Variants in PIEZO2 observed in about 807,000 individuals in gnomAD.
The protein encoded by PIEZO2 is piezo-type mechanosensitive ion channel component 2.
A neutral mutation model predicts 337.3 loss-of-function variants in PIEZO2; 172 were observed. The ratio of observed to expected loss-of-function variants is 0.51; its 90% CI spans 0.45 to 0.58. The LOEUF is 0.58. Among genes scored for constraint, PIEZO2 ranks in the 20% least tolerant of loss-of-function variants. The pLI is 0.00. For synonymous variants in PIEZO2, 1,251 were observed against 1,228.5 expected, an observed-to-expected ratio of 1.02 and a Z score of -0.38; for missense variants, 3,028 against 3,391.3, an observed-to-expected ratio of 0.89 and a Z score of 2.66.
intron 3 of PIEZO2, among the ~76,000 whole-genome samples, chr18:10,947,715 C>T (rs935301015): frequency 2.0e-5 from 3 of 152,106 alleles, no homozygotes; most frequent in African/African-American, 7.2e-5. Flanking sequence ...ATAGTTTATA[C>T]ATTAAGTAAA....
At chr18:10,820,451 TC>T (rs2040489584) in intron 7 of PIEZO2, among the ~76,000 whole-genome samples, 1 of 152,112 alleles carries the variant, frequency 6.6e-6, no homozygotes, top group South Asian at 2.1e-4. Flanking sequence ...TTTAATTTGC[TC>T]TTAAGCTCAT....
At position 11,094,601 on chromosome 18, in the gene PIEZO2, T is replaced by C. The variant is rs986454160; in HGVS notation, c.65-28379A>G. On this transcript the variant is annotated intron_variant, in intron 1 of 55. Coordinates refer to ENST00000674853, the MANE Select transcript of PIEZO2 (RefSeq NM_001378183.1). The surrounding 1 kb of genome is among the most constrained non-coding windows in gnomAD (Gnocchi z 4.4). Reference sequence around the variant, plus strand: ...TCGCTGTCCCCTCTCTGAAGACAGATGGCAACGGCACCCTGGCCCTTCCTA... The same window carrying C: ...TCGCTGTCCCCTCTCTGAAGACAGACGGCAACGGCACCCTGGCCCTTCCTA... Among the ~76,000 whole-genome samples, 9 of 152,170 alleles carry C rather than the reference T, an allele frequency of 5.9e-5. No homozygotes were observed. Among genetic ancestry groups the C allele is most frequent in the East Asian group, 5.8e-4 (3 of 5,184 alleles).
rs72978902 is a variant in PIEZO2 at position 10,675,377 on chromosome 18, T to C, written c.8082-89A>G. 1,978 of 738,962 alleles carry C rather than the reference T, an allele frequency of 2.7e-3. 7 individuals are homozygous for C. Among genetic ancestry groups the C allele is most frequent in the Non-Finnish European group, 3.9e-3 (1,835 of 466,456 alleles). The allele number at this position is 738,962 out of a possible 1,614,324, so 45.8% of individuals were successfully genotyped here. A position where few individuals can be genotyped will look rare whatever the true frequency, so the allele number is the denominator to read the frequency against. ...TTTTGTTGTTATTGTTGACCTTGTA[T>C]CACCAAATAATAGTGAAAGTTTCAT... On this transcript the variant is annotated intron_variant, in intron 53 of 55. Coordinates refer to ENST00000674853, the MANE Select transcript of PIEZO2 (RefSeq NM_001378183.1).
chr18:10,742,902 G>A (rs1284222953), intron 31 of PIEZO2, among the ~76,000 whole-genome samples: 1 of 151,650 alleles, frequency 6.6e-6, no homozygotes, highest in Non-Finnish European at 1.5e-5. Context: ...GCTAAAGTTA[G>A]GTAAGCTATA....
chr18:11,138,922 T>G (rs938253162), intron 1 of PIEZO2, among the ~76,000 whole-genome samples: 2 of 152,214 alleles, frequency 1.3e-5, no homozygotes, highest in African/African-American at 4.8e-5. Flanking sequence ...CATTCTCAAC[T>G]TTCAACAGGT....
In PIEZO2 at chr18:10,689,821, C is replaced by T. The variant is rs1276437392; in HGVS notation, c.7350-19G>A. The stretch of plus-strand genomic sequence containing the variant: ...GCGAAACCTGGCAGGAAACACATCT[C>T]GTCAGAGAGACATTCGTGGGTGGCC... On this transcript the variant is annotated intron_variant, in intron 48 of 55. Coordinates refer to ENST00000674853, the MANE Select transcript of PIEZO2 (RefSeq NM_001378183.1). The T allele has an allele frequency of 9.4e-6, 15 of 1,589,718 alleles. No homozygotes were observed. The highest frequency in any genetic ancestry group is 1.7e-5 in the Admixed American group (1 of 58,152).
intron 39 of PIEZO2, among the ~76,000 whole-genome samples, chr18:10,714,230 G>A (rs569210051): frequency 4.6e-5 from 7 of 152,226 alleles, no homozygotes; most frequent in African/African-American, 1.2e-4. Flanking sequence ...GGCCCCTGGC[G>A]AACCCATTAG....
Position 10,688,113 on chromosome 18 carries a change from C to A in PIEZO2, c.7497+1542G>T, listed in dbSNP as rs564155619. On this transcript the variant is annotated intron_variant, in intron 49 of 55. Transcript: ENST00000674853. ...ATCAATGCATCATCTAGGTTTTAAG[C>A]CCCCCATGCGTTAGGTATTTGTCCT... Among the ~76,000 whole-genome samples the A allele has an allele frequency of 6.6e-5, 10 of 152,092 alleles. No individual in the cohort carries two copies. The South Asian group carries it at 2.1e-3, about 32-fold the overall frequency.
chr18:11,008,909 T>C (rs542035737), intron 2 of PIEZO2, among the ~76,000 whole-genome samples: 4 of 152,326 alleles, frequency 2.6e-5, no homozygotes, highest in Admixed American at 1.3e-4. Flanking sequence ...TATAAATATT[T>C]TGGAGTCCTC....
In PIEZO2 at chr18:10,773,040, C is replaced by A. The variant is rs1023994182; in HGVS notation, c.2785+372G>T. The stretch of plus-strand genomic sequence containing the variant: ...GTCTCAGAATGGTTTCTTGAGAATG[C>A]ATTTGTAAGGGCGATGTCTAGAGCC... On this transcript the variant is annotated intron_variant, in intron 20 of 55. Coordinates refer to ENST00000674853, the MANE Select transcript of PIEZO2 (RefSeq NM_001378183.1). This position sits in a 1 kb window ranked among gnomAD's most constrained non-coding sequence, Gnocchi z 5.3. 2.6e-5 allele frequency among the ~76,000 whole-genome samples: 4 copies of A among 152,162 alleles called. No homozygotes were observed. The highest frequency in any genetic ancestry group is 9.7e-5 in the African/African-American group (4 of 41,422).
intron 1 of PIEZO2, among the ~76,000 whole-genome samples, chr18:11,135,051 A>T (rs1030877014): frequency 6.6e-6 from 1 of 152,086 alleles, no homozygotes; most frequent in African/African-American, 2.4e-5. Context: ...AAAAAAAAAA[A>T]AATTTTTTTT....
chr18:10,699,071 G>C lies in PIEZO2; in HGVS notation c.6548C>G (p.Ser2183Cys), dbSNP rs2035222979. ...LGHGRRDSSDSLKSINLAASV... is the reference protein window; with the variant it reads ...LGHGRRDSSDCLKSINLAASV... ...CGCGGCCAGGTTGATGGACTTGAGA[G>C]AATCGGAGGAGTCCCTCCTGCCATG... Residue 2183 changes from serine to cysteine, a missense_variant, in exon 44 of 56, where the codon TCT becomes TGT. Around this residue, in one of 5 missense-constraint regions of PIEZO2, gnomAD observed 1,925 missense variants for 2,051.9 expected, o/e 0.94. Coordinates refer to ENST00000674853, the MANE Select transcript of PIEZO2 (RefSeq NM_001378183.1). 2.0e-6 allele frequency: 3 copies of C among 1,537,222 alleles called. No individual in the cohort carries two copies. Among genetic ancestry groups the C allele is most frequent in the Non-Finnish European group, 1.7e-6 (2 of 1,146,908 alleles).
chr18:10,728,957 A>G (rs1173077484), intron 36 of PIEZO2, among the ~76,000 whole-genome samples: 1 of 147,798 alleles, frequency 6.8e-6, no homozygotes, highest in Admixed American at 6.7e-5. Context: ...TCTGTCTCAA[A>G]AAAAAAAAAA....
chr18:11,029,259 C>T (rs1335917010), intron 2 of PIEZO2, among the ~76,000 whole-genome samples: 1 of 152,172 alleles, frequency 6.6e-6, no homozygotes, highest in Non-Finnish European at 1.5e-5. Flanking sequence ...GACCCGGCTC[C>T]CCATTTCAAC....
intron 1 of PIEZO2, among the ~76,000 whole-genome samples, chr18:11,142,007 TA>T (rs2040663831): frequency 3.3e-5 from 5 of 152,332 alleles, no homozygotes; most frequent in African/African-American, 1.2e-4. Context: ...AAAAGGAGTT[TA>T]AATATGTCCA....
Position 10,929,644 on chromosome 18 carries a change from G to A in PIEZO2, c.287-18416C>T, listed in dbSNP as rs141125380. On this transcript the variant is annotated intron_variant, in intron 3 of 55. Transcript: ENST00000674853. This position sits in a 1 kb window ranked among gnomAD's most constrained non-coding sequence, Gnocchi z 5.6. ...CCTCTCGGGTCTCAGGACAGATCCCGCTATCCTCTCCCATAACTTAGTCTT... is the reference window on the plus strand; with the variant it reads ...CCTCTCGGGTCTCAGGACAGATCCCACTATCCTCTCCCATAACTTAGTCTT... Among the ~76,000 whole-genome samples, 302 of 152,240 alleles carry A rather than the reference G, an allele frequency of 2.0e-3. No homozygotes were observed. Among genetic ancestry groups the A allele is most frequent in the African/African-American group, 7.1e-3 (295 of 41,550 alleles).
intron 3 of PIEZO2, among the ~76,000 whole-genome samples, chr18:10,922,619 A>C (rs1308827630): frequency 1.3e-5 from 2 of 152,062 alleles, no homozygotes; most frequent in Non-Finnish European, 2.9e-5. Flanking sequence ...ATGAACAGAC[A>C]GAGGACTCTG....
At position 11,143,775 on chromosome 18, in the gene PIEZO2, T is replaced by A. The variant is rs79346581; in HGVS notation, c.64+4750A>T. Among the ~76,000 whole-genome samples, 1,041 of 152,020 alleles carry A rather than the reference T, an allele frequency of 6.8e-3. 3 individuals carry two copies. Among genetic ancestry groups the A allele is most frequent in the Non-Finnish European group, 0.01 (705 of 67,972 alleles). ...CCTTCTCCTGGCCCATGCTCTTACC[T>A]CCTAGTCTGTTAATTTTGACTGAGA... is the stretch of plus-strand genomic sequence containing the variant. On this transcript the variant is annotated intron_variant, in intron 1 of 55. Coordinates refer to ENST00000674853, the MANE Select transcript of PIEZO2 (RefSeq NM_001378183.1). The surrounding 1 kb of genome is among the most constrained non-coding windows in gnomAD (Gnocchi z 4.9).
intron 3 of PIEZO2, among the ~76,000 whole-genome samples, chr18:10,966,679 G>A (rs373475659): frequency 1.3e-4 from 19 of 151,880 alleles, no homozygotes; most frequent in African/African-American, 4.6e-4. Flanking sequence ...ACATGAATAA[G>A]TTCTTTAGTG....
Sources: gnomAD v4.1 joint callset for allele counts (sites outside exome capture counted in the v4.1 genomes callset) on GRCh38, gnomAD v4.1.1 for gene constraint, gnomAD v4.1.1 regional missense constraint, Gnocchi (gnomAD v3.1) non-coding constraint, MANE v1.5 for transcripts, NCBI Gene and HGNC (gene_info 2026-07-23, HGNC 2026-07-21) for gene names.